Variants in SRP54 observed in about 807,000 individuals in gnomAD.
SRP54 encodes the protein signal recognition particle 54.
A neutral mutation model predicts 64.8 loss-of-function variants in SRP54; 10 were observed. The observed-to-expected ratio is 0.15, with a 90% confidence interval of 0.10 to 0.26. The LOEUF (loss-of-function observed/expected upper bound fraction) is 0.26, where lower values mean the gene tolerates loss of function less well. SRP54 is among the 10% of genes least tolerant of loss of function. The pLI is 1.00. For synonymous variants in SRP54, 193 were observed against 185.6 expected (o/e 1.04, Z -0.32); for missense variants, 325 against 613.7 (o/e 0.53, Z 4.97).
At chr14:35,016,892 T>C (rs2044452568) in intron 11 of SRP54, among the ~76,000 whole-genome samples, 1 of 145,740 alleles carries the variant, frequency 6.9e-6, no homozygotes. Flanking sequence ...TTCACTCTTG[T>C]TGCCCAGGCT....
At chr14:34,988,488 G>A (rs1333333857) in intron 1 of SRP54, among the ~76,000 whole-genome samples, 1 of 145,360 alleles carries the variant, frequency 6.9e-6, no homozygotes, top group African/African-American at 2.5e-5. Flanking sequence ...CTTGAACCCA[G>A]GAGGTGGAGG....
intron 11 of SRP54, among the ~76,000 whole-genome samples, chr14:35,016,471 T>C (rs745925957): frequency 2.0e-5 from 3 of 152,172 alleles, no homozygotes; most frequent in Non-Finnish European, 4.4e-5. Flanking sequence ...GCTGTTGCCT[T>C]TGCCAGTCCC....
intron 1 of SRP54, 23 bp from the exon 2 acceptor site, chr14:34,996,654 A>C (rs974162699): frequency 1.0e-5 from 12 of 1,192,346 alleles, no homozygotes; most frequent in Non-Finnish European, 1.4e-5. Flanking sequence ...GATTATTCTC[A>C]CTTAATTTTT....
intron 9 of SRP54, 76 bp downstream of exon 9, chr14:35,013,570 G>T (rs2044388733): frequency 6.8e-7 from 1 of 1,467,050 alleles, no homozygotes; most frequent in South Asian, 1.2e-5. Flanking sequence ...CTTTCATATT[G>T]ATCATTTAAA....
chr14:35,024,711 G>A (rs2139027357), intron 14 of SRP54, among the ~76,000 whole-genome samples: 1 of 144,634 alleles, frequency 6.9e-6, no homozygotes. Flanking sequence ...TCTCCATGTT[G>A]ATACCACAGT....
intron 10 of SRP54, 100 bp from the exon 11 acceptor site, chr14:35,014,644 A>G: frequency 2.2e-6 from 2 of 917,308 alleles, no homozygotes; most frequent in Non-Finnish European, 3.4e-6. Context: ...TACCTAACCT[A>G]TTATAACCTC....
chr14:34,984,277 A>G (rs2043858120), intron 1 of SRP54, among the ~76,000 whole-genome samples: 1 of 152,178 alleles, frequency 6.6e-6, no homozygotes, highest in African/African-American at 2.4e-5. Context: ...GTAGCTTTTT[A>G]AAAATTGATT....
At position 35,028,104 on chromosome 14, in the gene SRP54, G is replaced by T; in HGVS notation, c.1344G>T (p.Lys448Asn). The change falls in exon 15 of 16, where the codon AAG becomes AAT. Residue 448 changes from lysine (K) to asparagine (N), a missense_variant. Physicochemically the swap from Lys to Asn is moderately conservative, Grantham distance 94. Transcript: ENST00000216774. ...KGLFKGGDMS[K>N]NVSQSQMAKL... ...TCCCCTCAGGTGGCGACATGTCTAA[G>T]AATGTGAGCCAGTCACAGATGGCAA... 6.2e-7 allele frequency: 1 copy of T among 1,611,910 alleles called. No individual in the cohort carries two copies.
chr14:35,028,251 C>T, intron 15 of SRP54, 68 bp downstream of exon 15: 1 of 935,120 alleles, frequency 1.1e-6, no homozygotes, highest in East Asian at 2.5e-5. Context: ...TAATGATAAG[C>T]CTTTTATTGT....
intron 7 of SRP54, among the ~76,000 whole-genome samples, chr14:35,009,753 C>T (rs2044325164): frequency 6.6e-6 from 1 of 152,088 alleles, no homozygotes; most frequent in Non-Finnish European, 1.5e-5. Context: ...CACTGCCATG[C>T]ACAGTGGCTC....
intron 4 of SRP54, among the ~76,000 whole-genome samples, chr14:35,006,343 T>C (rs1018328721): frequency 2.0e-5 from 3 of 152,236 alleles, no homozygotes; most frequent in African/African-American, 7.2e-5. Context: ...TAAATATTTG[T>C]CAAATTGAAT....
rs1331673332 is a variant in SRP54, at chr14:35,029,397, G to T, written c.*245G>T. 5.8e-6 allele frequency: 2 copies of T among 346,028 alleles called. No homozygotes were observed. 21.4% of individuals were successfully genotyped at this position (346,028 alleles called of 1,614,324 possible). On this transcript the variant is annotated 3_prime_UTR_variant, in exon 16 of 16. Transcript: ENST00000216774. ...ATATGTTTGCTTTAGATTTTCTTCT[G>T]TTTTCACCATCATAACACTTAAGTT... is the stretch of plus-strand genomic sequence containing the variant.
Position 35,025,021 on chromosome 14 carries a change from C to T in SRP54, c.1327+1941C>T, listed in dbSNP as rs542217357. On this transcript the variant is annotated intron_variant, in intron 14 of 15. Coordinates refer to ENST00000216774, the MANE Select transcript of SRP54 (RefSeq NM_003136.4). The stretch of plus-strand genomic sequence containing the variant: ...GCTCTGGGATTACAGGCATGAGCCA[C>T]AACACCTGGCTTCTACTTGTTTTTG... Among the ~76,000 whole-genome samples the T allele has an allele frequency of 7.2e-5, 11 of 152,318 alleles. No homozygotes were observed. In the South Asian group the frequency reaches 1.0e-3, roughly 14 times the overall value.
chr14:35,018,878 T>C, intron 12 of SRP54, 88 bp from the exon 13 acceptor site: 1 of 1,400,412 alleles, frequency 7.1e-7, no homozygotes, highest in South Asian at 1.2e-5. Context: ...TAAGACTTAG[T>C]GTCAATATTA....
chr14:35,001,175 C>CTTTTTT (rs10637082), intron 4 of SRP54, among the ~76,000 whole-genome samples, 155 bp downstream of exon 4: 6 of 129,464 alleles, frequency 4.6e-5, no homozygotes, highest in Admixed American at 8.2e-5. Flanking sequence ...TCTTAGGGAC[C>CTTTTTT]TTTTTTTTTT....
chr14:34,983,640 T>C (rs892178240), intron 1 of SRP54, among the ~76,000 whole-genome samples: 1 of 152,242 alleles, frequency 6.6e-6, no homozygotes, highest in Non-Finnish European at 1.5e-5. Flanking sequence ...CCAATGATGA[T>C]TTAAGATAGA....
At chr14:34,986,599 G>A (rs1224101323) in intron 1 of SRP54, among the ~76,000 whole-genome samples, 1 of 152,190 alleles carries the variant, frequency 6.6e-6, no homozygotes, top group Non-Finnish European at 1.5e-5. Flanking sequence ...AATAAAAATT[G>A]CTGGTCGTGG....
At chr14:35,008,856 C>A in intron 7 of SRP54, 25 bp downstream of exon 7, 13 of 1,344,258 alleles carry the variant, frequency 9.7e-6, no homozygotes, top group South Asian at 1.3e-5. Context: ...TTTATTTTAA[C>A]ACTTATATCC....
chr14:34,996,685 G>C lies in SRP54; in HGVS notation c.-25G>C. The C allele has an allele frequency of 2.6e-6, 4 of 1,566,310 alleles. No homozygotes were observed. Among genetic ancestry groups the C allele is most frequent in the Non-Finnish European group, 3.5e-6 (4 of 1,136,736 alleles). On this transcript the variant is annotated 5_prime_UTR_variant, in exon 2 of 16. Coordinates refer to ENST00000216774, the MANE Select transcript of SRP54 (RefSeq NM_003136.4). Reference sequence around the variant, plus strand: ...TTTTTTTTCTGCTGTAGAGTTCTTCGTAAGTACATCTTAAAGCTGTCAAGA... The same window carrying C: ...TTTTTTTTCTGCTGTAGAGTTCTTCCTAAGTACATCTTAAAGCTGTCAAGA...
Sources: allele counts gnomAD v4.1 joint callset (sites outside exome capture counted in the v4.1 genomes callset), GRCh38; gene constraint gnomAD v4.1.1; transcripts MANE v1.5; gene names NCBI Gene and HGNC (gene_info 2026-07-23, HGNC 2026-07-21).